ENO4: variants seen among roughly 807,000 people sequenced by gnomAD.
ENO4 encodes the protein enolase 4, also known as 2-phospho-D-glycerate hydro-lyase.
A neutral mutation model predicts 63.2 loss-of-function variants in ENO4; 53 were observed. That is an observed-to-expected ratio of 0.84 (90% CI 0.67 to 1.05). The LOEUF is 1.05. Ranked by LOEUF, ENO4 falls within the 50% of genes least tolerant of loss-of-function variation. The probability of loss-of-function intolerance (pLI) is 0.00; values close to 1 mark genes in which losing one functional copy is unlikely to be tolerated. For synonymous variants in ENO4, 266 were observed against 283.8 expected, an observed-to-expected ratio of 0.94 and a Z score of 0.63; for missense variants, 719 against 772.0, an observed-to-expected ratio of 0.93 and a Z score of 0.81.
chr10:116,856,710 A>G, intron 3 of ENO4, 28 bp downstream of exon 3: 1 of 1,486,420 alleles, frequency 6.7e-7, no homozygotes. Context: ...AAATATAAAC[A>G]TCAAGTACAA....
intron 10 of ENO4, chr10:116,900,782 G>A: frequency 1.0e-6 from 1 of 985,226 alleles, no homozygotes; most frequent in Non-Finnish European, 1.2e-6. Context: ...ATGACTACAG[G>A]AGAAAATGTG....
chr10:116,877,911 C>G (rs1442467086), intron 11 of ENO4, among the ~76,000 whole-genome samples: 1 of 152,154 alleles, frequency 6.6e-6, no homozygotes, highest in African/African-American at 2.4e-5. Flanking sequence ...TCTCACTTGC[C>G]CACAACTCTT....
chr10:116,886,502 C>T, downstream of ENO4: 1 of 1,614,134 alleles, frequency 6.2e-7, no homozygotes, highest in Non-Finnish European at 8.5e-7. Context: ...TCTAAAACTA[C>T]AACTGGTTCG....
chr10:116,888,681 G>A (rs1847239319), intron 10 of ENO4, among the ~76,000 whole-genome samples: 1 of 152,220 alleles, frequency 6.6e-6, no homozygotes, highest in African/African-American at 2.4e-5. Flanking sequence ...GTGGGGAGCT[G>A]GAGAAACTGT....
At chr10:116,897,588 A>G (rs1847567848) in intron 10 of ENO4, among the ~76,000 whole-genome samples, 1 of 152,246 alleles carries the variant, frequency 6.6e-6, no homozygotes. Context: ...TTGATGATCC[A>G]TTATCCCAGC....
downstream of ENO4, among the ~76,000 whole-genome samples, chr10:116,912,199 T>C (rs935262202): frequency 2.0e-5 from 3 of 152,210 alleles, no homozygotes; most frequent in African/African-American, 7.2e-5. Context: ...GGATAAACTG[T>C]CCTCTACCTG....
downstream of ENO4, chr10:116,886,581 G>T (rs761485147): frequency 3.7e-6 from 6 of 1,611,138 alleles, no homozygotes; most frequent in East Asian, 1.1e-4. Flanking sequence ...GAGATGAAGA[G>T]TTAGACAAAA....
At chr10:116,856,100 AC>A (rs1294258129) in intron 2 of ENO4, among the ~76,000 whole-genome samples, 1 of 152,220 alleles carries the variant, frequency 6.6e-6, no homozygotes, top group Non-Finnish European at 1.5e-5. Context: ...TAGATGTTAG[AC>A]TGACCTAAAG....
chr10:116,901,481 CAG>C (rs1358101651), intron 10 of ENO4: 2 of 984,896 alleles, frequency 2.0e-6, no homozygotes, highest in African/African-American at 3.5e-5. Context: ...TCTCCTGACG[CAG>C]AGTCTGTATC....
chr10:116,900,695 G>A (rs1037778777), intron 10 of ENO4: 12 of 984,596 alleles, frequency 1.2e-5, no homozygotes, highest in African/African-American at 1.7e-5. Flanking sequence ...AAATTTAATA[G>A]GAAAGATGGA....
Position 116,881,599 on chromosome 10 carries a change from A to T in ENO4, c.1808A>T (p.Glu603Val), listed in dbSNP as rs1247823068. ...AEALEAAAAR[E>V]PLVPTFPTQG... is the part of the protein sequence containing the mutation. ...GCACTTGAGGCTGCTGCGGCTAGGG[A>T]GCCGCTGGTGCCCACCTTCCCCACA... Residue 603 changes from glutamate (E) to valine (V), a missense_variant, in exon 14 of 14, where the codon GAG becomes GTG. Glu to Val is a moderately radical substitution (Grantham distance 121, BLOSUM62 -2). Coordinates refer to ENST00000341276, the MANE Select transcript of ENO4 (RefSeq NM_001242699.2). 2 of 1,550,280 alleles carry T rather than the reference A, an allele frequency of 1.3e-6. No individual in the cohort carries two copies. The highest frequency in any genetic ancestry group is 1.7e-6 in the Non-Finnish European group (2 of 1,146,930).
At chr10:116,892,453 A>C (rs1346542542) in intron 10 of ENO4, among the ~76,000 whole-genome samples, 1 of 152,180 alleles carries the variant, frequency 6.6e-6, no homozygotes, top group Non-Finnish European at 1.5e-5. Context: ...ATCATGGAAA[A>C]TCCACTCAGA....
chr10:116,862,717 A>G, intron 6 of ENO4, 82 bp from the exon 7 acceptor site: 3 of 952,752 alleles, frequency 3.1e-6, no homozygotes, highest in Non-Finnish European at 4.9e-6. Flanking sequence ...ACTCTGAGTT[A>G]GAAATAGCCA....
chr10:116,897,283 T>C (rs1018641453), intron 10 of ENO4, among the ~76,000 whole-genome samples: 10 of 152,200 alleles, frequency 6.6e-5, no homozygotes. Context: ...TTATTTTACA[T>C]TTCTGGGTTT....
chr10:116,886,582 T>G, downstream of ENO4: 1 of 1,610,964 alleles, frequency 6.2e-7, no homozygotes, highest in Non-Finnish European at 8.5e-7. Flanking sequence ...AGATGAAGAG[T>G]TAGACAAAAA....
intron 10 of ENO4, among the ~76,000 whole-genome samples, chr10:116,902,115 C>A (rs896527415): frequency 6.6e-6 from 1 of 152,184 alleles, no homozygotes; most frequent in Non-Finnish European, 1.5e-5. Flanking sequence ...GAAATCTGCT[C>A]TGCTTTCGTG....
intron 7 of ENO4, among the ~76,000 whole-genome samples, chr10:116,863,734 G>C (rs372407356): frequency 6.6e-6 from 1 of 152,170 alleles, no homozygotes. Context: ...CTGCAGGCAG[G>C]GGGCACGGGC....
chr10:116,879,122 A>G (rs1241467867), intron 11 of ENO4, among the ~76,000 whole-genome samples, 169 bp from the exon 12 acceptor site: 3 of 152,202 alleles, frequency 2.0e-5, no homozygotes, highest in African/African-American at 7.2e-5. Flanking sequence ...GGGGGTAAAC[A>G]AACAAAAGCA....
intron 3 of ENO4, 121 bp downstream of exon 3, chr10:116,856,803 C>G: frequency 1.3e-6 from 1 of 788,480 alleles, no homozygotes; most frequent in Non-Finnish European, 1.9e-6. Flanking sequence ...AGGTCGAGAC[C>G]ACGGTGAAAC....
Sources: gnomAD v4.1 joint callset for allele counts (sites outside exome capture counted in the v4.1 genomes callset) on GRCh38, gnomAD v4.1.1 for gene constraint, MANE v1.5 for transcripts, NCBI Gene and HGNC (gene_info 2026-07-23, HGNC 2026-07-21) for gene names.